The following NPNT variants were observed in gnomAD, a reference collection of about 807,000 sequenced individuals.
NPNT encodes nephronectin.
In NPNT, 45 loss-of-function variants were observed where a neutral mutation model predicts 68.6. The observed-to-expected ratio is 0.66, with a 90% CI of 0.52 to 0.84. NPNT has a LOEUF of 0.84. Among genes scored for constraint, NPNT ranks in the 40% least tolerant of loss-of-function variants. The probability of loss-of-function intolerance (pLI) is 0.00; values close to 1 mark genes in which losing one functional copy is unlikely to be tolerated. For missense variants in NPNT, 672 were observed against 714.8 expected (o/e 0.94, Z 0.68); for synonymous variants, 233 against 253.3 (o/e 0.92, Z 0.76).
chr4:105,968,836 T>C (rs1344673476), intron 11 of NPNT, 59 bp from the exon 12 acceptor site: 10 of 965,580 alleles, frequency 1.0e-5, no homozygotes, highest in Non-Finnish European at 1.6e-5. Flanking sequence ...TTTTGCTTAA[T>C]AAGGAGGCAT....
intron 2 of NPNT, among the ~76,000 whole-genome samples, chr4:105,914,579 TCACGTCACTC>T (rs1727654198): frequency 6.8e-6 from 1 of 147,154 alleles, no homozygotes; most frequent in African/African-American, 2.5e-5. Context: ...CTCTAGGCAT[TCACGTCACTC>T]ACTATCAGTA....
In NPNT at chr4:105,970,980, G is replaced by A. The variant is rs1732521717; in HGVS notation, c.*1990G>A. ...AAAGGAAACTATTTATTCCAAATGA[G>A]AGTATGATGGACAGATATTTTAGTA... On this transcript the variant is annotated 3_prime_UTR_variant, in exon 12 of 12. Coordinates refer to ENST00000379987, the MANE Select transcript of NPNT (RefSeq NM_001033047.3). The A allele has an allele frequency of 6.3e-6, 2 of 316,300 alleles. No individual in the cohort carries two copies. The highest frequency in any genetic ancestry group is 4.3e-5 in the African/African-American group (2 of 46,350). 19.6% of individuals were successfully genotyped at this position (316,300 alleles called of 1,614,324 possible).
intron 3 of NPNT, among the ~76,000 whole-genome samples, chr4:105,935,976 T>C (rs1422794659): frequency 6.6e-6 from 1 of 152,246 alleles, no homozygotes; most frequent in Non-Finnish European, 1.5e-5. Context: ...TAAATTATGC[T>C]AAATGGGTAC....
chr4:105,934,826 A>G (rs887881049), intron 3 of NPNT, among the ~76,000 whole-genome samples: 6 of 152,150 alleles, frequency 3.9e-5, no homozygotes, highest in Non-Finnish European at 1.5e-5. Context: ...CATGATTCTT[A>G]ACCCCAAAGT....
At chr4:105,956,928 A>G (rs1731274486) in intron 8 of NPNT, among the ~76,000 whole-genome samples, 1 of 152,224 alleles carries the variant, frequency 6.6e-6, no homozygotes, top group East Asian at 1.9e-4. Flanking sequence ...GAAAAAACTC[A>G]GAAGTAGTAA....
chr4:105,895,782 CT>C, intron 1 of NPNT, 59 bp downstream of exon 1: 1 of 1,405,026 alleles, frequency 7.1e-7, no homozygotes, highest in Non-Finnish European at 9.8e-7. Context: ...CACTCACTGT[CT>C]TGGGTCACTT....
rs771122894 is a variant in NPNT, at chr4:105,967,216, C to G, written c.1374C>G (p.Ala458=). 1.9e-6 allele frequency: 3 copies of G among 1,613,866 alleles called. No individual in the cohort carries two copies. Among genetic ancestry groups the G allele is most frequent in the Middle Eastern group, 3.4e-4 (2 of 5,836 alleles). ...AGGQYLTVSA[A]KAPGGKAARL... The stretch of plus-strand genomic sequence containing the variant: ...GACAATATCTGACAGTGTCGGCAGC[C>G]AAAGCCCCAGGGGGAAAAGCTGCAC... The change falls in exon 11 of 12, where the codon GCC becomes GCG. Residue 458 remains alanine (A), a synonymous_variant. Transcript: ENST00000379987.
At chr4:105,899,232 G>A (rs971139683) in intron 2 of NPNT, among the ~76,000 whole-genome samples, 1 of 152,118 alleles carries the variant, frequency 6.6e-6, no homozygotes, top group African/African-American at 2.4e-5. Context: ...GAAAGGTAAA[G>A]GAAATGAATG....
In NPNT at chr4:105,970,131, G is replaced by T; in HGVS notation, c.*1141G>T. The T allele has an allele frequency of 2.3e-6, 1 of 429,242 alleles. No individual in the cohort carries two copies. Among genetic ancestry groups the T allele is most frequent in the Non-Finnish European group, 4.2e-6 (1 of 237,106 alleles). The allele number at this position is 429,242 out of a possible 1,614,324, so 26.6% of individuals were successfully genotyped here. On this transcript the variant is annotated 3_prime_UTR_variant, in exon 12 of 12. Transcript: ENST00000379987. ...GTAGTTCATAACTTATGTTGCTCAT[G>T]TTGTGCTGTGTCAGGATGGGATAGG...
In NPNT at chr4:105,971,219, C is replaced by T; in HGVS notation, c.*2229C>T. 1 of 451,686 alleles carries T rather than the reference C, an allele frequency of 2.2e-6. No homozygotes were observed. 28.0% of individuals were successfully genotyped at this position (451,686 alleles called of 1,614,324 possible). On this transcript the variant is annotated 3_prime_UTR_variant, in exon 12 of 12. Coordinates refer to ENST00000379987, the MANE Select transcript of NPNT (RefSeq NM_001033047.3). ...TGCTGAGAAAGAGTGCCCTGCCCCACACCGGCAGACCTTTCCTTCACCTCA... is the reference window on the plus strand; with the variant it reads ...TGCTGAGAAAGAGTGCCCTGCCCCATACCGGCAGACCTTTCCTTCACCTCA...
chr4:105,963,876 T>A (rs193157970), intron 10 of NPNT, among the ~76,000 whole-genome samples: 1 of 152,052 alleles, frequency 6.6e-6, no homozygotes, highest in African/African-American at 2.4e-5. Flanking sequence ...CATCCCTGAC[T>A]CCCATTCACC....
intron 8 of NPNT, among the ~76,000 whole-genome samples, chr4:105,952,760 C>G (rs1364008825): frequency 6.6e-6 from 1 of 152,160 alleles, no homozygotes; most frequent in Admixed American, 6.5e-5. Context: ...ACACCTGTCC[C>G]CAACAGCTGG....
intron 7 of NPNT, among the ~76,000 whole-genome samples, chr4:105,941,866 T>C (rs1039192396): frequency 6.6e-6 from 1 of 152,190 alleles, no homozygotes; most frequent in African/African-American, 2.4e-5. Flanking sequence ...CTGAACACAA[T>C]TTTATAATAT....
chr4:105,969,305 G>A lies in NPNT; in HGVS notation c.*315G>A. On this transcript the variant is annotated 3_prime_UTR_variant, in exon 12 of 12. Coordinates refer to ENST00000379987, the MANE Select transcript of NPNT (RefSeq NM_001033047.3). ...CCATCCTCCATCCTGATTACAAGGTGCTCCTTGTAGCAAATTATGAGAGTG... is the reference window on the plus strand; with the variant it reads ...CCATCCTCCATCCTGATTACAAGGTACTCCTTGTAGCAAATTATGAGAGTG... 4.6e-6 allele frequency: 1 copy of A among 218,752 alleles called. No homozygotes were observed. The highest frequency in any genetic ancestry group is 9.1e-6 in the Non-Finnish European group (1 of 110,364). 13.6% of individuals were successfully genotyped at this position (218,752 alleles called of 1,614,324 possible).
intron 2 of NPNT, among the ~76,000 whole-genome samples, chr4:105,907,084 C>T (rs1726960996): frequency 6.6e-6 from 1 of 152,142 alleles, no homozygotes; most frequent in Non-Finnish European, 1.5e-5. Flanking sequence ...TTTCTTAATT[C>T]ACCTGGATTT....
intron 8 of NPNT, among the ~76,000 whole-genome samples, chr4:105,957,249 C>T (rs1245694549): frequency 6.6e-6 from 1 of 152,086 alleles, no homozygotes; most frequent in African/African-American, 2.4e-5. Flanking sequence ...CAAATTACAG[C>T]ACTCGTTTAT....
intron 10 of NPNT, among the ~76,000 whole-genome samples, chr4:105,965,307 T>C (rs918222799): frequency 6.6e-6 from 1 of 151,146 alleles, no homozygotes; most frequent in African/African-American, 2.4e-5. Flanking sequence ...CCTTAGTTAA[T>C]GTTCCAACTT....
At chr4:105,909,110 ATAAT>A (rs1448202234) in intron 2 of NPNT, among the ~76,000 whole-genome samples, 3 of 152,228 alleles carry the variant, frequency 2.0e-5, no homozygotes, top group African/African-American at 4.8e-5. Context: ...AAAGCCATTG[ATAAT>A]TAATAGAAAA....
In NPNT at chr4:105,895,716, G is replaced by T. The variant is rs1725765261; in HGVS notation, c.64G>T (p.Asp22Tyr). ...CTACCTGCAGGCGGCCGCCGAGTTC[G>T]ACGGGAGGTGAGCTGGGCCCCGGGG... ...SLYLQAAAEF[D>Y]GRWPRQIVSS... The change falls in exon 1 of 12, where the codon GAC becomes TAC. Residue 22 changes from aspartate to tyrosine, a missense_variant. Asp to Tyr is a radical substitution (Grantham distance 160, BLOSUM62 -3). Coordinates refer to ENST00000379987, the MANE Select transcript of NPNT (RefSeq NM_001033047.3). 6.4e-7 allele frequency: 1 copy of T among 1,552,908 alleles called. No homozygotes were observed. Among genetic ancestry groups the T allele is most frequent in the Middle Eastern group, 1.7e-4 (1 of 5,888 alleles).
Sources: allele counts gnomAD v4.1 joint callset (sites outside exome capture counted in the v4.1 genomes callset), GRCh38; gene constraint gnomAD v4.1.1; transcripts MANE v1.5; gene names NCBI Gene and HGNC (gene_info 2026-07-23, HGNC 2026-07-21).